Variants in POLD3 observed in about 807,000 individuals in gnomAD.
POLD3 encodes the protein DNA polymerase delta subunit 3.
Under a neutral mutation model 58.2 loss-of-function variants are expected in POLD3, and 19 were observed. That is an observed-to-expected ratio of 0.33 (90% CI 0.23 to 0.48). The LOEUF (loss-of-function observed/expected upper bound fraction) is 0.48. POLD3 is among the 20% of genes least tolerant of loss of function. POLD3 has a pLI of 0.99. For synonymous variants in POLD3, 172 were observed against 193.5 expected (o/e 0.89, Z 0.92); for missense variants, 504 against 545.5 (o/e 0.92, Z 0.76).
chr11:74,640,777 C>G lies in POLD3; in HGVS notation c.*11C>G, dbSNP rs576824217. ...TTCCAGAGGAAATAAACTGCCATCT[C>G]TGGTAGATCAGAGACTTGGAGTGGT... On this transcript the variant is annotated 3_prime_UTR_variant, in exon 12 of 12. Transcript: ENST00000263681. 6.4e-7 allele frequency: 1 copy of G among 1,569,568 alleles called. No individual in the cohort carries two copies. The highest frequency in any genetic ancestry group is 1.4e-5 in the African/African-American group (1 of 73,036).
intron 8 of POLD3, among the ~76,000 whole-genome samples, chr11:74,626,042 A>T (rs564664947): frequency 9.2e-5 from 14 of 152,320 alleles, no homozygotes; most frequent in African/African-American, 3.1e-4. Context: ...TAAAAAGCAC[A>T]TAAAGCTATT....
chr11:74,610,606 G>A (rs192428038), intron 3 of POLD3, among the ~76,000 whole-genome samples: 31 of 150,748 alleles, frequency 2.1e-4, no homozygotes, highest in African/African-American at 7.3e-4. Context: ...GTTTTTTTCC[G>A]CTTTATCATT....
chr11:74,611,506 A>G lies in POLD3; in HGVS notation c.227A>G (p.Lys76Arg). 6.4e-7 allele frequency: 1 copy of G among 1,560,130 alleles called. No homozygotes were observed. Among genetic ancestry groups the G allele is most frequent in the Non-Finnish European group, 8.7e-7 (1 of 1,146,206 alleles). Residue 76 changes from lysine to arginine, a missense_variant, in exon 4 of 12, where the codon AAG (lysine) becomes AGG (arginine). Around this residue, in one of 2 missense-constraint regions of POLD3, gnomAD observed 119 missense variants for 175.0 expected, o/e 0.68. Transcript: ENST00000263681. ...AGTGTTATTTTCTTACAGTGCCACAAGGTTGCAGTAGTGAGAGAAGATAAA... is the reference window on the plus strand; with the variant it reads ...AGTGTTATTTTCTTACAGTGCCACAGGGTTGCAGTAGTGAGAGAAGATAAA... ...SLIQNGHSCH[K>R]VAVVREDKLE... is the part of the protein sequence containing the mutation.
At chr11:74,639,516 A>G (rs1055451301) in intron 11 of POLD3, among the ~76,000 whole-genome samples, 2 of 152,236 alleles carry the variant, frequency 1.3e-5, no homozygotes, top group African/African-American at 4.8e-5. Flanking sequence ...ATGTTTCTCT[A>G]TCGCTTGCTG....
chr11:74,638,749 T>G, intron 11 of POLD3: 1 of 448,276 alleles, frequency 2.2e-6, no homozygotes, highest in Non-Finnish European at 4.5e-6. Flanking sequence ...GTGCATTACT[T>G]GAAGATCTTG....
intron 3 of POLD3, among the ~76,000 whole-genome samples, chr11:74,606,439 G>A (rs1338668255): frequency 2.0e-5 from 3 of 152,094 alleles, no homozygotes; most frequent in African/African-American, 4.8e-5. Context: ...TCATATTCAA[G>A]CCTTTACTTG....
At chr11:74,612,573 C>T (rs2031949923) in intron 4 of POLD3, among the ~76,000 whole-genome samples, 1 of 152,148 alleles carries the variant, frequency 6.6e-6, no homozygotes, top group Non-Finnish European at 1.5e-5. Flanking sequence ...AGGCTCTTTT[C>T]TGACCAAAAG....
intron 4 of POLD3, among the ~76,000 whole-genome samples, chr11:74,661,986 G>GTA (rs1034944236): frequency 3.0e-4 from 46 of 152,354 alleles, no homozygotes; most frequent in African/African-American, 1.1e-3. Flanking sequence ...CCCATGGGGA[G>GTA]TACTGCCAGT....
chr11:74,614,653 C>T (rs1010840313), intron 5 of POLD3, among the ~76,000 whole-genome samples: 9 of 151,266 alleles, frequency 5.9e-5, no homozygotes, highest in African/African-American at 1.7e-4. Flanking sequence ...GAGCTTGCAG[C>T]GAGCAGAGAT....
rs1471509535 is a variant in POLD3, at chr11:74,620,081, C to A, written c.725C>A (p.Ala242Asp). The A allele has an allele frequency of 3.1e-6, 5 of 1,607,788 alleles. No individual in the cohort carries two copies. Among genetic ancestry groups the A allele is most frequent in the Non-Finnish European group, 3.4e-6 (4 of 1,174,250 alleles). Residue 242 changes from alanine (A) to aspartate (D), a missense_variant, in exon 7 of 12, where the codon GCT (alanine) becomes GAT (aspartate). Ala to Asp is a moderately radical substitution (Grantham distance 126). Coordinates refer to ENST00000263681, the MANE Select transcript of POLD3 (RefSeq NM_006591.3). ...ATGATGAGCAACTTTTTTGGAAAAG[C>A]TGCTATGAGTAAGCATGTTCTTACC... ...GNMMSNFFGK[A>D]AMNKFKVNLD...
At chr11:74,615,931 A>G (rs2032068229) in intron 5 of POLD3, among the ~76,000 whole-genome samples, 1 of 152,178 alleles carries the variant, frequency 6.6e-6, no homozygotes, top group African/African-American at 2.4e-5. Flanking sequence ...TAAGCATACA[A>G]ATATTTATTA....
chr11:74,600,239 C>T (rs770902617), intron 2 of POLD3, among the ~76,000 whole-genome samples: 3 of 152,096 alleles, frequency 2.0e-5, no homozygotes, highest in Non-Finnish European at 4.4e-5. Flanking sequence ...CCACTGTGCC[C>T]AGCCTGTTGT....
At chr11:74,665,216 G>C (rs555168562) in intron 4 of POLD3, among the ~76,000 whole-genome samples, 1 of 150,432 alleles carries the variant, frequency 6.6e-6, no homozygotes, top group African/African-American at 2.4e-5. Flanking sequence ...TGCCTGGCAG[G>C]ATGAGGCATG....
At position 74,619,998 on chromosome 11, in the gene POLD3, G is replaced by T. The variant is rs780234055; in HGVS notation, c.661-19G>T. 1.5e-5 allele frequency: 24 copies of T among 1,605,708 alleles called. No homozygotes were observed. The highest frequency in any genetic ancestry group is 1.3e-4 in the East Asian group (6 of 44,836). ...CCTAAATGCCAGCAAAAAATCATAT[G>T]TGTTTTCTGTGCTTGTAGGCATCTG... is the stretch of plus-strand genomic sequence containing the variant. On this transcript the variant is annotated intron_variant, in intron 6 of 11. Coordinates refer to ENST00000263681, the MANE Select transcript of POLD3 (RefSeq NM_006591.3).
intron 7 of POLD3, among the ~76,000 whole-genome samples, chr11:74,624,837 C>G (rs1290121475): frequency 6.6e-6 from 1 of 152,092 alleles, no homozygotes; most frequent in Admixed American, 6.5e-5. Flanking sequence ...TCTTTTAATC[C>G]TTATGATAAT....
At chr11:74,639,448 G>A (rs577629705) in intron 11 of POLD3, among the ~76,000 whole-genome samples, 4 of 152,312 alleles carry the variant, frequency 2.6e-5, no homozygotes, top group South Asian at 2.1e-4. Flanking sequence ...AATCATTTGA[G>A]CATTTATTAT....
rs371226820 is a variant in POLD3, at chr11:74,637,154, AT to A, written c.1198+890del. Among the ~76,000 whole-genome samples, 1,083 of 147,706 alleles carry A rather than the reference AT, an allele frequency of 7.3e-3. 11 individuals are homozygous for A. Among genetic ancestry groups the A allele is most frequent in the African/African-American group, 0.024 (985 of 40,620 alleles). ...GAGAAGATTATTTTCCCTGTTACTG[AT>A]TTTTTTTTTTCCTAGTTCAGACTTG... On this transcript the variant is annotated intron_variant, in intron 11 of 11. Transcript: ENST00000263681.
intron 4 of POLD3, among the ~76,000 whole-genome samples, chr11:74,657,754 A>G (rs974983779): frequency 5.3e-5 from 8 of 152,182 alleles, no homozygotes; most frequent in Non-Finnish European, 8.8e-5. Context: ...TTGTATCTTC[A>G]GATGATTTTT....
In POLD3 at chr11:74,653,169, T is replaced by G. The variant is rs554232933; in HGVS notation, c.370-15608T>G. 6.6e-5 allele frequency among the ~76,000 whole-genome samples: 10 copies of G among 152,366 alleles called. No individual in the cohort carries two copies. In the East Asian group the frequency reaches 1.9e-3, roughly 29 times the overall value. On this transcript the variant is annotated intron_variant, in intron 4 of 4. Transcript: ENST00000524752. ...GGTTGGTACAAAAGTAATGGCAGTT[T>G]TTGCCAAAGTATTGCAAAAACCACA...
Sources: allele counts gnomAD v4.1 joint callset (sites outside exome capture counted in the v4.1 genomes callset), GRCh38; gene constraint gnomAD v4.1.1; regional missense constraint gnomAD v4.1.1; transcripts MANE v1.5; gene names NCBI Gene and HGNC (gene_info 2026-07-23, HGNC 2026-07-21).